ZNF829: variants seen among roughly 807,000 people sequenced by gnomAD.
ZNF829 encodes the protein zinc finger protein 829.
ZNF829 carries 25 observed loss-of-function variants against 35.2 expected under a neutral mutation model. The ratio of observed to expected loss-of-function variants is 0.71; its 90% CI spans 0.52 to 0.99. ZNF829 has a LOEUF of 0.99. Among genes scored for constraint, ZNF829 ranks in the 50% least tolerant of loss-of-function variants. The pLI, the probability that ZNF829 is intolerant of heterozygous loss-of-function variation, is 0.00. For synonymous variants in ZNF829, 136 were observed against 163.2 expected (o/e 0.83, Z 1.27); for missense variants, 417 against 515.3 (o/e 0.81, Z 1.85).
rs545014966 is a variant in ZNF829, at chr19:36,893,544, C to T, written c.320-1073G>A. Among the ~76,000 whole-genome samples the T allele has an allele frequency of 1.4e-4, 21 of 152,112 alleles. No homozygotes were observed. The South Asian group carries it at 3.7e-3, about 27-fold the overall frequency. On this transcript the variant is annotated intron_variant, in intron 5 of 5. Transcript: ENST00000391711. ...GGGACTGACACTTAACTTATGATTGCTAAAAAGATGAGGAATAACGTATAT... is the reference window on the plus strand; with the variant it reads ...GGGACTGACACTTAACTTATGATTGTTAAAAAGATGAGGAATAACGTATAT...
intron 3 of ZNF829, chr19:36,912,783 G>T (rs915975765): frequency 2.6e-5 from 4 of 152,136 alleles, no homozygotes; most frequent in Admixed American, 2.6e-4. Flanking sequence ...GATCACCTGA[G>T]GTTGGGAGTT....
intron 5 of ZNF829, among the ~76,000 whole-genome samples, chr19:36,894,181 C>T (rs117439107): frequency 2.2e-3 from 342 of 152,318 alleles, no homozygotes; most frequent in South Asian, 8.9e-3. Flanking sequence ...AACTCACAGA[C>T]ACTGCTGACA....
At chr19:36,901,596 T>A (rs2073166108) in intron 5 of ZNF829, 1 of 206,528 alleles carries the variant, frequency 4.8e-6, no homozygotes, top group African/African-American at 2.3e-5. Context: ...ACTTTTTAAA[T>A]AAAGAATAAG....
chr19:36,906,966 T>G (rs2073221255), intron 5 of ZNF829: 1 of 150,912 alleles, frequency 6.6e-6, no homozygotes, highest in African/African-American at 2.4e-5. Flanking sequence ...CGCAGGCCTG[T>G]AGTTCCAGCT....
chr19:36,894,615 A>G (rs1327163787), intron 5 of ZNF829, among the ~76,000 whole-genome samples: 1 of 152,104 alleles, frequency 6.6e-6, no homozygotes, highest in East Asian at 1.9e-4. Flanking sequence ...AAAAGAACCA[A>G]ACAGAAGTCC....
In ZNF829 at chr19:36,902,008, C is replaced by A. The variant is rs559985139; in HGVS notation, c.319+5921G>T. ...CATAACGAATCCATGTGCGGTTGTC[C>A]AGAATACGTAATGGGGATGAAGATT... On this transcript the variant is annotated intron_variant, in intron 5 of 5. Coordinates refer to ENST00000391711, the MANE Select transcript of ZNF829 (RefSeq NM_001037232.4). The A allele has an allele frequency of 2.2e-4, 152 of 699,606 alleles. 2 individuals carry two copies. The highest frequency in any genetic ancestry group is 2.1e-3 in the South Asian group (137 of 66,022). The allele number at this position is 699,606 out of a possible 1,614,324, so 43.3% of individuals were successfully genotyped here.
chr19:36,891,613 G>A lies in ZNF829; in HGVS notation c.1178C>T (p.Ser393Leu). ...NECGKAFNKGSNLTRHQRIHT... is the reference protein window; with the variant it reads ...NECGKAFNKGLNLTRHQRIHT... ...AATTCTCTGATGTCGAGTAAGATTT[G>A]AGCCTTTATTAAAGGCCTTCCCACA... The change falls in exon 6 of 6, where the codon TCA (serine) becomes TTA (leucine). Residue 393 changes from serine (S) to leucine (L), a missense_variant. By Grantham distance (145) the Ser-to-Leu change is moderately radical. Transcript: ENST00000391711. The A allele has an allele frequency of 1.2e-6, 2 of 1,613,674 alleles. No homozygotes were observed. The highest frequency in any genetic ancestry group is 1.7e-6 in the Non-Finnish European group (2 of 1,179,866).
At position 36,892,883 on chromosome 19, in the gene ZNF829, G is replaced by A. The variant is rs372175741; in HGVS notation, c.320-412C>T. The A allele has an allele frequency of 1.0e-5, 12 of 1,158,474 alleles. No homozygotes were observed. In the South Asian group the frequency reaches 2.0e-4, roughly 19 times the overall value. 71.8% of individuals were successfully genotyped at this position (1,158,474 alleles called of 1,614,324 possible). A position where few individuals can be genotyped will look rare whatever the true frequency, so the allele number is the denominator to read the frequency against. On this transcript the variant is annotated intron_variant, in intron 5 of 5. Coordinates refer to ENST00000391711, the MANE Select transcript of ZNF829 (RefSeq NM_001037232.4). The stretch of plus-strand genomic sequence containing the variant: ...CTCGTCGTACAGCTTGTGGAGCTCC[G>A]ACTGCAAGGCCATCAGCATGCCCAG...
intron 3 of ZNF829, among the ~76,000 whole-genome samples, chr19:36,913,785 C>A (rs2073283281): frequency 6.6e-6 from 1 of 152,092 alleles, no homozygotes; most frequent in African/African-American, 2.4e-5. Flanking sequence ...ACAAATAAAA[C>A]ACATTTATAT....
chr19:36,892,456 C>A lies in ZNF829; in HGVS notation c.335G>T (p.Cys112Phe). Residue 112 changes from cysteine to phenylalanine, a missense_variant, in exon 6 of 6, where the codon TGT becomes TTT. Transcript: ENST00000391711. ...RGLCSDLESM[C>F]ETKILSLKKR... ...CTTTAGAGATAATATTTTGGTCTCACACATTGATTCCAGATCTGAAAGAAA... is the reference window on the plus strand; with the variant it reads ...CTTTAGAGATAATATTTTGGTCTCAAACATTGATTCCAGATCTGAAAGAAA... The A allele has an allele frequency of 6.3e-7, 1 of 1,585,690 alleles. No homozygotes were observed. Among genetic ancestry groups the A allele is most frequent in the South Asian group, 1.1e-5 (1 of 87,538 alleles).
chr19:36,896,452 C>T (rs574856460), intron 5 of ZNF829, among the ~76,000 whole-genome samples: 1 of 152,214 alleles, frequency 6.6e-6, no homozygotes, highest in South Asian at 2.1e-4. Flanking sequence ...CACTGCACTC[C>T]AGCCTGGGCG....
chr19:36,903,614 G>C (rs541840339), intron 5 of ZNF829, among the ~76,000 whole-genome samples: 1 of 152,228 alleles, frequency 6.6e-6, no homozygotes, highest in African/African-American at 2.4e-5. Context: ...TTATAGGTTG[G>C]GCACGGCGGC....
At chr19:36,899,440 C>G (rs773305516) in intron 5 of ZNF829, among the ~76,000 whole-genome samples, 2 of 151,186 alleles carry the variant, frequency 1.3e-5, no homozygotes, top group Non-Finnish European at 2.9e-5. Flanking sequence ...GAAACTCTCT[C>G]ACATACACAA....
intron 3 of ZNF829, among the ~76,000 whole-genome samples, chr19:36,912,095 A>G (rs2073269183): frequency 6.6e-6 from 1 of 152,180 alleles, no homozygotes; most frequent in Non-Finnish European, 1.5e-5. Flanking sequence ...GGATCCAGAG[A>G]CTGACTTAGG....
In ZNF829 at chr19:36,893,021, T is replaced by G. The variant is rs1022782920; in HGVS notation, c.320-550A>C. On this transcript the variant is annotated intron_variant, in intron 5 of 5. Transcript: ENST00000391711. ...CTAATTATATACACGTTCATAAACA[T>G]ATGCTCACATGCACAGAGTATGATA... 7.9e-5 allele frequency: 32 copies of G among 404,776 alleles called. 1 individual carries two copies. The Admixed American group carries it at 9.6e-4, about 12-fold the overall frequency. The allele number at this position is 404,776 out of a possible 1,614,324, so 25.1% of individuals were successfully genotyped here.
intron 4 of ZNF829, 111 bp from the exon 5 acceptor site, chr19:36,908,135 A>G: frequency 8.5e-7 from 1 of 1,171,674 alleles, no homozygotes; most frequent in Non-Finnish European, 1.2e-6. Context: ...GACCGGAGAA[A>G]GATGGAGAAG....
Position 36,908,332 on chromosome 19 carries a change from C to A in ZNF829, c.223+1G>T. On this transcript the variant is annotated splice_donor_variant, in intron 4 of 5. Coordinates refer to ENST00000391711, the MANE Select transcript of ZNF829 (RefSeq NM_001037232.4). LOFTEE classifies it high-confidence loss of function. ...GAATTTTGGGGAATAGTTATCCTTA[C>A]CCACTGAAACCAGGTTGCTGAAATT... The A allele has an allele frequency of 6.2e-7, 1 of 1,611,482 alleles. No homozygotes were observed. Among genetic ancestry groups the A allele is most frequent in the South Asian group, 1.1e-5 (1 of 90,588 alleles).
At chr19:36,906,520 A>G (rs1328010989) in intron 5 of ZNF829, 1 of 152,198 alleles carries the variant, frequency 6.6e-6, no homozygotes, top group Admixed American at 6.5e-5. Context: ...AGCAATAGTA[A>G]CCTTCATACT....
In ZNF829 at chr19:36,891,242, C is replaced by T. The variant is rs1187685325; in HGVS notation, c.*250G>A. ...TTAGGAAAAAGGCATAGAACAGATC[C>T]TCAGAGTCCTCAGAAGGAACCAAAA... On this transcript the variant is annotated 3_prime_UTR_variant, in exon 6 of 6. Coordinates refer to ENST00000391711, the MANE Select transcript of ZNF829 (RefSeq NM_001037232.4). The T allele has an allele frequency of 5.0e-6, 2 of 400,018 alleles. No individual in the cohort carries two copies. The highest frequency in any genetic ancestry group is 2.1e-5 in the African/African-American group (1 of 48,452). 24.8% of individuals were successfully genotyped at this position (400,018 alleles called of 1,614,324 possible). A position where few individuals can be genotyped will look rare whatever the true frequency, so the allele number is the denominator to read the frequency against.
Sources: allele counts gnomAD v4.1 joint callset (sites outside exome capture counted in the v4.1 genomes callset), GRCh38; gene constraint gnomAD v4.1.1; transcripts MANE v1.5; gene names NCBI Gene and HGNC (gene_info 2026-07-23, HGNC 2026-07-21).